TACR3: variants seen among roughly 807,000 people sequenced by gnomAD.
TACR3 encodes neuromedin-K receptor.
TACR3 carries 34 observed loss-of-function variants against 35.0 expected under a neutral mutation model. The observed-to-expected ratio is 0.97, with a 90% CI of 0.74 to 1.30. The LOEUF is 1.30. Among genes scored for constraint, TACR3 ranks in the 50% most tolerant of loss-of-function variants. The pLI is 0.00. For missense variants in TACR3, 558 were observed against 591.7 expected (o/e 0.94, Z 0.59); for synonymous variants, 233 against 221.1 (o/e 1.05, Z -0.48).
intron 3 of TACR3, among the ~76,000 whole-genome samples, chr4:103,606,729 A>T (rs574038015): frequency 6.6e-6 from 1 of 152,072 alleles, no homozygotes. Flanking sequence ...GGGCTGAGAC[A>T]GTGGGGTTTT....
intron 3 of TACR3, among the ~76,000 whole-genome samples, chr4:103,594,934 T>C (rs1723974740): frequency 6.6e-6 from 1 of 152,152 alleles, no homozygotes; most frequent in South Asian, 2.1e-4. Flanking sequence ...ACCTTGGCAC[T>C]CTGCTTACAA....
chr4:103,622,506 C>T (rs376417437), intron 3 of TACR3, among the ~76,000 whole-genome samples: 107 of 152,058 alleles, frequency 7.0e-4, no homozygotes, highest in African/African-American at 2.1e-3. Context: ...CTGAGGCAGG[C>T]GGATCACAAG....
intron 3 of TACR3, among the ~76,000 whole-genome samples, chr4:103,638,769 A>C (rs1432831108): frequency 2.6e-5 from 4 of 152,162 alleles, no homozygotes; most frequent in Non-Finnish European, 5.9e-5. Context: ...CCCATCAAAA[A>C]GTGGGCAAAG....
intron 3 of TACR3, among the ~76,000 whole-genome samples, chr4:103,608,405 A>G (rs1247142106): frequency 6.6e-6 from 1 of 152,108 alleles, no homozygotes; most frequent in South Asian, 2.1e-4. Flanking sequence ...GTAGACTACT[A>G]GAGGCAGGAG....
At chr4:103,663,020 C>T (rs1375076057) in intron 1 of TACR3, among the ~76,000 whole-genome samples, 2 of 152,128 alleles carry the variant, frequency 1.3e-5, no homozygotes, top group African/African-American at 2.4e-5. Flanking sequence ...TTACAGGATA[C>T]TGCAATTGAT....
At position 103,667,377 on chromosome 4, in the gene TACR3, A is replaced by T. The variant is rs561930435; in HGVS notation, c.549-8974T>A. 1.9e-4 allele frequency among the ~76,000 whole-genome samples: 29 copies of T among 152,326 alleles called. No individual in the cohort carries two copies. In the South Asian group the frequency reaches 6.0e-3, roughly 32 times the overall value. ...GTACAGTTAATAAATACAAAAATAC[A>T]ATTAGATAGAAGAAATAAGATCTAG... On this transcript the variant is annotated intron_variant, in intron 1 of 4. Transcript: ENST00000304883.
At chr4:103,662,368 C>T (rs1725851415) in intron 1 of TACR3, among the ~76,000 whole-genome samples, 1 of 151,922 alleles carries the variant, frequency 6.6e-6, no homozygotes, top group African/African-American at 2.4e-5. Context: ...CTACAGATGC[C>T]CGCCACCACG....
chr4:103,708,537 A>G (rs1018513240), intron 1 of TACR3, among the ~76,000 whole-genome samples: 1 of 152,228 alleles, frequency 6.6e-6, no homozygotes, highest in Admixed American at 6.5e-5. Context: ...AAAGGTAGAT[A>G]AAACCACAAA....
At chr4:103,679,512 A>AC (rs1726242784) in intron 1 of TACR3, among the ~76,000 whole-genome samples, 1 of 151,998 alleles carries the variant, frequency 6.6e-6, no homozygotes. Context: ...AAGAGCTCCC[A>AC]CATCAGATGT....
At chr4:103,694,221 G>C (rs1254673855) in intron 1 of TACR3, among the ~76,000 whole-genome samples, 7 of 149,092 alleles carry the variant, frequency 4.7e-5, no homozygotes, top group African/African-American at 1.8e-4. Flanking sequence ...CTTACACTAT[G>C]CACATTTATC....
At chr4:103,657,237 G>GT (rs983495439) in intron 2 of TACR3, among the ~76,000 whole-genome samples, 3 of 151,416 alleles carry the variant, frequency 2.0e-5, no homozygotes, top group Non-Finnish European at 4.4e-5. Flanking sequence ...GTTTTGTTTT[G>GT]TTTTTTGTAA....
chr4:103,654,361 G>A (rs1204808967), intron 3 of TACR3, among the ~76,000 whole-genome samples: 1 of 151,618 alleles, frequency 6.6e-6, no homozygotes, highest in African/African-American at 2.4e-5. Context: ...GGAATACTAT[G>A]CAGCCATAAA....
chr4:103,614,199 T>TACA (rs1368017834), intron 3 of TACR3, among the ~76,000 whole-genome samples: 9 of 152,212 alleles, frequency 5.9e-5, no homozygotes. Flanking sequence ...AATTTTCCAG[T>TACA]ACAACTAAAA....
intron 3 of TACR3, among the ~76,000 whole-genome samples, chr4:103,604,463 T>A (rs1405285730): frequency 2.6e-5 from 4 of 152,018 alleles, no homozygotes; most frequent in Non-Finnish European, 4.4e-5. Flanking sequence ...GCAACACCAT[T>A]CAGGATGTAG....
At chr4:103,602,959 T>C (rs1405065126) in intron 3 of TACR3, among the ~76,000 whole-genome samples, 1 of 152,214 alleles carries the variant, frequency 6.6e-6, no homozygotes, top group Non-Finnish European at 1.5e-5. Flanking sequence ...ACTGCTGTCT[T>C]TTTGTTTGTC....
At chr4:103,603,543 G>C (rs2110292495) in intron 3 of TACR3, among the ~76,000 whole-genome samples, 2 of 152,300 alleles carry the variant, frequency 1.3e-5, no homozygotes, top group South Asian at 4.1e-4. Flanking sequence ...TGGTGTATAT[G>C]TGCCATATTT....
At chr4:103,607,091 A>T (rs1157983077) in intron 3 of TACR3, among the ~76,000 whole-genome samples, 2 of 152,186 alleles carry the variant, frequency 1.3e-5, no homozygotes, top group African/African-American at 4.8e-5. Context: ...TACGCAAATC[A>T]ATAAATGTAA....
chr4:103,600,200 A>C (rs1724161304), intron 3 of TACR3, among the ~76,000 whole-genome samples: 2 of 152,172 alleles, frequency 1.3e-5, no homozygotes, highest in Non-Finnish European at 2.9e-5. Context: ...GTATGTGTCA[A>C]GGAATTTATC....
intron 1 of TACR3, among the ~76,000 whole-genome samples, chr4:103,677,304 T>C (rs1384678729): frequency 6.8e-6 from 1 of 146,488 alleles, no homozygotes; most frequent in African/African-American, 2.6e-5. Flanking sequence ...GGTGTGGTGA[T>C]TCCTCAAAGA....
Sources: allele counts gnomAD v4.1 joint callset (sites outside exome capture counted in the v4.1 genomes callset), GRCh38; gene constraint gnomAD v4.1.1; transcripts MANE v1.5; gene names NCBI Gene and HGNC (gene_info 2026-07-23, HGNC 2026-07-21).